The following ADAM10 variants were observed in gnomAD, a reference collection of about 807,000 sequenced individuals.
The protein encoded by ADAM10 is ADAM metallopeptidase domain 10.
In ADAM10, 17 loss-of-function variants were observed where a neutral mutation model predicts 90.1. That is an observed-to-expected ratio of 0.19 (90% confidence interval 0.13 to 0.28). The LOEUF (loss-of-function observed/expected upper bound fraction) is 0.28, where lower values mean the gene tolerates loss of function less well. ADAM10 is among the 10% of genes least tolerant of loss of function. ADAM10 has a pLI of 1.00. For synonymous variants in ADAM10, 310 were observed against 298.6 expected (o/e 1.04, Z -0.40); for missense variants, 610 against 914.3 (o/e 0.67, Z 4.29).
intron 5 of ADAM10, among the ~76,000 whole-genome samples, chr15:58,648,083 G>T (rs1277680630): frequency 1.3e-5 from 2 of 152,040 alleles, no homozygotes; most frequent in African/African-American, 4.8e-5. Context: ...ACAAAAAAGG[G>T]TAACTATGTG....
At chr15:58,612,237 C>G (rs1232352892) in intron 11 of ADAM10, among the ~76,000 whole-genome samples, 1 of 152,164 alleles carries the variant, frequency 6.6e-6, no homozygotes, top group Non-Finnish European at 1.5e-5. Context: ...TGGGCCTACA[C>G]AGAAAAGTCA....
At chr15:58,729,412 G>A (rs1339696910) in intron 1 of ADAM10, among the ~76,000 whole-genome samples, 2 of 152,148 alleles carry the variant, frequency 1.3e-5, no homozygotes, top group Non-Finnish European at 2.9e-5. Context: ...TAACAGCATA[G>A]GTATCTCCGG....
intron 12 of ADAM10, 67 bp from the exon 13 acceptor site, chr15:58,611,174 G>A (rs1261247081): frequency 8.6e-7 from 1 of 1,167,818 alleles, no homozygotes; most frequent in Non-Finnish European, 1.3e-6. Context: ...TATAGTAACA[G>A]ACAGGCAAGT....
At chr15:58,644,004 T>C (rs766982262) in intron 6 of ADAM10, 26 bp from the exon 7 acceptor site, 10 of 1,479,170 alleles carry the variant, frequency 6.8e-6, no homozygotes, top group Non-Finnish European at 8.5e-6. Context: ...AAGAACATTT[T>C]AGAGGCAATG....
rs1894786451 is a variant in ADAM10 at position 58,589,710 on chromosome 15, C to T, written c.*7837G>A. The T allele has an allele frequency of 6.6e-6, 1 of 152,140 alleles. No individual in the cohort carries two copies. The highest frequency in any genetic ancestry group is 1.5e-5 in the Non-Finnish European group (1 of 68,048). The allele number at this position is 152,140 out of a possible 1,614,324, so 9.4% of individuals were successfully genotyped here. On this transcript the variant is annotated 3_prime_UTR_variant, in exon 16 of 16. Transcript: ENST00000260408. ...GGATTATATTGTAATATGGTGTGTG[C>T]TATGAGAGAAAGATGTATAAAATTC...
At chr15:58,670,181 C>T (rs1183839380) in intron 4 of ADAM10, among the ~76,000 whole-genome samples, 2 of 151,024 alleles carry the variant, frequency 1.3e-5, no homozygotes, top group African/African-American at 4.9e-5. Context: ...TGTGTAGACC[C>T]TGATTAAATC....
At chr15:58,716,736 CAG>C (rs1300167569) in intron 2 of ADAM10, among the ~76,000 whole-genome samples, 2 of 152,084 alleles carry the variant, frequency 1.3e-5, no homozygotes, top group Admixed American at 6.5e-5. Context: ...TATTGATAAA[CAG>C]AGCAGAAGCG....
intron 1 of ADAM10, among the ~76,000 whole-genome samples, chr15:58,740,738 G>A (rs183485409): frequency 1.6e-4 from 24 of 152,178 alleles, no homozygotes; most frequent in Admixed American, 1.5e-3. Flanking sequence ...AAGGTATACA[G>A]AACTACACAA....
chr15:58,631,359 A>G (rs1957820290), intron 9 of ADAM10, among the ~76,000 whole-genome samples: 2 of 152,214 alleles, frequency 1.3e-5, no homozygotes, highest in Admixed American at 6.5e-5. Flanking sequence ...CGTGGTAGGC[A>G]AAGAGTGTGA....
intron 1 of ADAM10, among the ~76,000 whole-genome samples, chr15:58,744,485 C>T (rs1170972160): frequency 6.6e-6 from 1 of 151,894 alleles, no homozygotes; most frequent in Non-Finnish European, 1.5e-5. Context: ...ACAACTAGAT[C>T]CAAGAATAAA....
At chr15:58,631,659 C>A (rs1339692831) in intron 9 of ADAM10, among the ~76,000 whole-genome samples, 1 of 152,130 alleles carries the variant, frequency 6.6e-6, no homozygotes, top group Non-Finnish European at 1.5e-5. Flanking sequence ...GACTAAAGGC[C>A]AGACAAGTAG....
At chr15:58,657,108 G>A (rs1424323504) in intron 5 of ADAM10, among the ~76,000 whole-genome samples, 1 of 152,016 alleles carries the variant, frequency 6.6e-6, no homozygotes, top group Non-Finnish European at 1.5e-5. Flanking sequence ...TTTTCTTGCT[G>A]CTTTTAGGAT....
intron 11 of ADAM10, among the ~76,000 whole-genome samples, chr15:58,613,389 T>G (rs1178568533): frequency 6.6e-6 from 1 of 151,922 alleles, no homozygotes; most frequent in African/African-American, 2.4e-5. Flanking sequence ...CAGGGACTCA[T>G]GAAACATGAA....
chr15:58,596,582 T>G lies in ADAM10; in HGVS notation c.*965A>C, dbSNP rs1319190794. ...GAAAACATAATTAGCATATTTCAGA[T>G]ATATGAAAAACACAAATAAGTAGGC... is the stretch of plus-strand genomic sequence containing the variant. On this transcript the variant is annotated 3_prime_UTR_variant, in exon 16 of 16. Coordinates refer to ENST00000260408, the MANE Select transcript of ADAM10 (RefSeq NM_001110.4). 1 of 152,632 alleles carries G rather than the reference T, an allele frequency of 6.6e-6. No homozygotes were observed. The highest frequency in any genetic ancestry group is 2.4e-5 in the African/African-American group (1 of 41,450). 9.5% of individuals were successfully genotyped at this position (152,632 alleles called of 1,614,324 possible). A position where few individuals can be genotyped will look rare whatever the true frequency, so the allele number is the denominator to read the frequency against.
At chr15:58,665,738 T>C (rs1255085192) in intron 4 of ADAM10, among the ~76,000 whole-genome samples, 1 of 152,102 alleles carries the variant, frequency 6.6e-6, no homozygotes, top group Non-Finnish European at 1.5e-5. Flanking sequence ...TACAGTTACG[T>C]GACTGTATCA....
At chr15:58,627,450 T>C (rs932664631) in intron 10 of ADAM10, among the ~76,000 whole-genome samples, 1 of 152,216 alleles carries the variant, frequency 6.6e-6, no homozygotes, top group African/African-American at 2.4e-5. Flanking sequence ...TATTGAACTC[T>C]AGTTAATGAT....
At chr15:58,599,249 G>A (rs1895045236) in intron 15 of ADAM10, among the ~76,000 whole-genome samples, 1 of 151,242 alleles carries the variant, frequency 6.6e-6, no homozygotes, top group Non-Finnish European at 1.5e-5. Flanking sequence ...ACAACTATTA[G>A]AATAGAAAGA....
intron 1 of ADAM10, among the ~76,000 whole-genome samples, chr15:58,739,808 G>T (rs1899546708): frequency 6.6e-6 from 1 of 152,146 alleles, no homozygotes; most frequent in Non-Finnish European, 1.5e-5. Flanking sequence ...ATGACATTCA[G>T]TTTCATGTAA....
At chr15:58,623,341 C>G (rs1895844432) in intron 10 of ADAM10, among the ~76,000 whole-genome samples, 1 of 152,196 alleles carries the variant, frequency 6.6e-6, no homozygotes, top group Admixed American at 6.5e-5. Flanking sequence ...CTAGCTGAAC[C>G]CTGATTTCAG....
Sources: allele counts gnomAD v4.1 joint callset (sites outside exome capture counted in the v4.1 genomes callset), GRCh38; gene constraint gnomAD v4.1.1; transcripts MANE v1.5; gene names NCBI Gene and HGNC (gene_info 2026-07-23, HGNC 2026-07-21).